CAPZA2: variants seen among roughly 807,000 people sequenced by gnomAD.
CAPZA2 encodes F-actin-capping protein subunit alpha-2.
A neutral mutation model predicts 44.0 loss-of-function variants in CAPZA2; 13 were observed. The ratio of observed to expected loss-of-function variants is 0.30; its 90% CI spans 0.19 to 0.47. The LOEUF (loss-of-function observed/expected upper bound fraction) is 0.47. CAPZA2 is among the 20% of genes least tolerant of loss of function. The pLI is 1.00. For synonymous variants in CAPZA2, 94 were observed against 108.2 expected (o/e 0.87, Z 0.81); for missense variants, 244 against 338.6 (o/e 0.72, Z 2.19).
intron 1 of CAPZA2, 45 bp downstream of exon 1, chr7:116,862,695 C>G (rs1050027648): frequency 1.3e-6 from 2 of 1,507,676 alleles, no homozygotes; most frequent in Non-Finnish European, 1.8e-6. Flanking sequence ...GGAGCCGGCT[C>G]AGCCCGGGCG....
chr7:116,898,947 A>G (rs1295300515), intron 4 of CAPZA2, 112 bp downstream of exon 4: 1 of 572,950 alleles, frequency 1.7e-6, no homozygotes, highest in East Asian at 2.9e-5. Flanking sequence ...TTTTAATCAT[A>G]ACCACTTATG....
chr7:116,907,016 C>T (rs776857702), intron 6 of CAPZA2, among the ~76,000 whole-genome samples: 7 of 152,150 alleles, frequency 4.6e-5, no homozygotes, highest in African/African-American at 1.2e-4. Context: ...GAAATCTTTA[C>T]GTTTATCCCT....
chr7:116,909,816 T>C (rs1791565281), intron 6 of CAPZA2: 1 of 172,144 alleles, frequency 5.8e-6, no homozygotes, highest in South Asian at 1.3e-4. Context: ...TAGCTTAAAA[T>C]TTATCTCCAC....
chr7:116,895,400 T>C (rs918948892), intron 3 of CAPZA2, among the ~76,000 whole-genome samples: 1 of 152,134 alleles, frequency 6.6e-6, no homozygotes, highest in Non-Finnish European at 1.5e-5. Flanking sequence ...TAAATTATAT[T>C]TGTTGTAAGA....
At chr7:116,911,774 G>C (rs779971295) in intron 7 of CAPZA2, among the ~76,000 whole-genome samples, 19 of 152,218 alleles carry the variant, frequency 1.2e-4, no homozygotes, top group Non-Finnish European at 2.4e-4. Context: ...TGTGAGCTCA[G>C]ATTTGGACAT....
At chr7:116,912,346 T>A (rs1174896973) in intron 8 of CAPZA2, among the ~76,000 whole-genome samples, 1 of 152,150 alleles carries the variant, frequency 6.6e-6, no homozygotes, top group Non-Finnish European at 1.5e-5. Flanking sequence ...ATTTAAAATA[T>A]AAGCTTCAAA....
chr7:116,881,684 A>T (rs1796704974), intron 1 of CAPZA2, among the ~76,000 whole-genome samples: 1 of 144,942 alleles, frequency 6.9e-6, no homozygotes, highest in Non-Finnish European at 1.5e-5. Context: ...GCTTGCAGTG[A>T]GCCAAGATCG....
At chr7:116,898,136 C>G (rs1796951097) in intron 3 of CAPZA2, among the ~76,000 whole-genome samples, 1 of 152,104 alleles carries the variant, frequency 6.6e-6, no homozygotes, top group South Asian at 2.1e-4. Context: ...CTGCTCTTTT[C>G]TGCCCATCCC....
intron 7 of CAPZA2, 134 bp downstream of exon 7, chr7:116,910,445 C>G (rs1194955764): frequency 1.7e-6 from 1 of 600,210 alleles, no homozygotes; most frequent in Non-Finnish European, 3.0e-6. Context: ...ATGGGAAAAA[C>G]AATAGTGCTG....
chr7:116,889,886 G>T (rs1796809538), intron 2 of CAPZA2, among the ~76,000 whole-genome samples: 1 of 152,194 alleles, frequency 6.6e-6, no homozygotes, highest in Non-Finnish European at 1.5e-5. Context: ...GAATTCAGAA[G>T]TACTTTTACT....
intron 4 of CAPZA2, among the ~76,000 whole-genome samples, chr7:116,899,345 A>G (rs1796966229): frequency 6.6e-6 from 1 of 151,926 alleles, no homozygotes; most frequent in Non-Finnish European, 1.5e-5. Flanking sequence ...AATGCATTTC[A>G]TGCTTGCATG....
At chr7:116,866,440 G>C (rs1409766625) in intron 1 of CAPZA2, among the ~76,000 whole-genome samples, 1 of 152,114 alleles carries the variant, frequency 6.6e-6, no homozygotes, top group Non-Finnish European at 1.5e-5. Flanking sequence ...CAAAGTGCTG[G>C]GATTACAGGC....
At chr7:116,912,881 C>G (rs1791616200) in intron 8 of CAPZA2, among the ~76,000 whole-genome samples, 1 of 152,136 alleles carries the variant, frequency 6.6e-6, no homozygotes, top group Admixed American at 6.5e-5. Context: ...AACTGCCAGA[C>G]TGTTTTCCAT....
At chr7:116,890,644 GT>G (rs1180483806) in intron 2 of CAPZA2, among the ~76,000 whole-genome samples, 1 of 136,154 alleles carries the variant, frequency 7.3e-6, no homozygotes, top group Non-Finnish European at 1.5e-5. Context: ...GGTGTGGGTG[GT>G]GCATGCCTGG....
chr7:116,879,016 C>T (rs1353280250), intron 1 of CAPZA2, among the ~76,000 whole-genome samples: 1 of 150,210 alleles, frequency 6.7e-6, no homozygotes, highest in Non-Finnish European at 1.5e-5. Flanking sequence ...ATCCTAGCTA[C>T]TCAGGAGGCT....
intron 1 of CAPZA2, chr7:116,886,115 C>G (rs1796758926): frequency 6.5e-6 from 1 of 154,710 alleles, no homozygotes; most frequent in Non-Finnish European, 1.5e-5. Context: ...AAGATGATAA[C>G]AAAAATGGTA....
chr7:116,914,470 C>CAG (rs201411570), intron 8 of CAPZA2, among the ~76,000 whole-genome samples: 1 of 147,432 alleles, frequency 6.8e-6, no homozygotes, highest in Non-Finnish European at 1.5e-5. Flanking sequence ...CACACACACA[C>CAG]GTATTTTTTT....
intron 1 of CAPZA2, among the ~76,000 whole-genome samples, chr7:116,866,585 A>G (rs535198853): frequency 1.3e-5 from 2 of 152,318 alleles, no homozygotes; most frequent in South Asian, 4.1e-4. Flanking sequence ...AAATTGTATG[A>G]AATTATGGTG....
rs1274563763 is a variant in CAPZA2, at chr7:116,917,821, A to G, written c.815A>G (p.Asn272Ser). ...LPVTRTKIDWNKILSYKIGKE... is the reference protein window; with the variant it reads ...LPVTRTKIDWSKILSYKIGKE... ...GTTACACGCACTAAGATTGATTGGA[A>G]CAAGATCCTTAGCTACAAGATTGGC... is the stretch of plus-strand genomic sequence containing the variant. Residue 272 changes from asparagine (N) to serine (S), a missense_variant, in exon 10 of 10, where the codon AAC becomes AGC. Coordinates refer to ENST00000361183, the MANE Select transcript of CAPZA2 (RefSeq NM_006136.3). The G allele has an allele frequency of 3.7e-6, 6 of 1,612,820 alleles. No individual in the cohort carries two copies. Among genetic ancestry groups the G allele is most frequent in the Non-Finnish European group, 5.1e-6 (6 of 1,178,762 alleles).
Sources: gnomAD v4.1 joint callset for allele counts (sites outside exome capture counted in the v4.1 genomes callset) on GRCh38, gnomAD v4.1.1 for gene constraint, MANE v1.5 for transcripts, NCBI Gene and HGNC (gene_info 2026-07-23, HGNC 2026-07-21) for gene names.